SLC25A21: variants seen among roughly 807,000 people sequenced by gnomAD.
The protein encoded by SLC25A21 is solute carrier family 25 member 21, also known as mitochondrial 2-oxodicarboxylate carrier.
A neutral mutation model predicts 43.8 loss-of-function variants in SLC25A21; 47 were observed. That is an observed-to-expected ratio of 1.07 (90% CI 0.85 to 1.37). SLC25A21 has a LOEUF of 1.37. SLC25A21 is among the 40% of genes most tolerant of loss of function. SLC25A21 has a pLI of 0.00. For missense variants in SLC25A21, 352 were observed against 350.2 expected (o/e 1.00, Z -0.04); for synonymous variants, 131 against 121.3 (o/e 1.08, Z -0.52).
At position 36,729,563 on chromosome 14, in the gene SLC25A21, A is replaced by G. The variant is rs750061993; in HGVS notation, c.274T>C (p.Phe92Leu). 1.2e-5 allele frequency: 19 copies of G among 1,607,460 alleles called. No individual in the cohort carries two copies. The highest frequency in any genetic ancestry group is 1.6e-5 in the Non-Finnish European group (19 of 1,177,860). The stretch of plus-strand genomic sequence containing the variant: ...AATTTCTTGTACTGCTCAAAGGTGA[A>G]AAACTGTGAAACAAAACCAAACTCA... ...AETPKRAVKF[F>L]TFEQYKKLLG... The change falls in exon 5 of 10, where the codon TTC (phenylalanine) becomes CTC (leucine). Residue 92 changes from phenylalanine to leucine, a missense_variant. Physicochemically the swap from Phe to Leu is conservative, Grantham distance 22. Transcript: ENST00000331299.
At chr14:36,845,331 T>C (rs988924391) in intron 2 of SLC25A21, among the ~76,000 whole-genome samples, 3 of 152,186 alleles carry the variant, frequency 2.0e-5, no homozygotes, top group Non-Finnish European at 1.5e-5. Context: ...TGAAAAAAAG[T>C]ATGTTCAGAG....
At chr14:36,875,679 T>C (rs1594659441) in intron 1 of SLC25A21, among the ~76,000 whole-genome samples, 1 of 152,280 alleles carries the variant, frequency 6.6e-6, no homozygotes, top group Non-Finnish European at 1.5e-5. Context: ...ATAAGTTAAA[T>C]AACTTGTCTA....
intron 1 of SLC25A21, among the ~76,000 whole-genome samples, chr14:36,883,568 G>A (rs942903700): frequency 6.6e-6 from 1 of 152,166 alleles, no homozygotes; most frequent in African/African-American, 2.4e-5. Flanking sequence ...AACTTCAAGA[G>A]AGCAGAGACC....
intron 1 of SLC25A21, among the ~76,000 whole-genome samples, chr14:37,068,440 G>A (rs1406960023): frequency 6.6e-6 from 1 of 152,130 alleles, no homozygotes; most frequent in East Asian, 1.9e-4. Context: ...TTTTTTTGCA[G>A]TAGATTTTCA....
At chr14:36,949,709 A>C (rs1892760112) in intron 1 of SLC25A21, among the ~76,000 whole-genome samples, 1 of 152,126 alleles carries the variant, frequency 6.6e-6, no homozygotes, top group Admixed American at 6.5e-5. Context: ...TTTATATATT[A>C]ATGTCCATTT....
chr14:36,907,907 T>A (rs986936324), intron 1 of SLC25A21, among the ~76,000 whole-genome samples: 2 of 152,204 alleles, frequency 1.3e-5, no homozygotes, highest in Admixed American at 1.3e-4. Flanking sequence ...ATTTCTTCTT[T>A]ATTTAAAAAG....
chr14:37,148,416 C>A (rs1272122596), intron 1 of SLC25A21, among the ~76,000 whole-genome samples: 2 of 152,108 alleles, frequency 1.3e-5, no homozygotes, highest in African/African-American at 4.8e-5. Flanking sequence ...CATTTAGATA[C>A]ACCATAGGTC....
intron 1 of SLC25A21, among the ~76,000 whole-genome samples, chr14:37,018,132 T>G (rs1011468594): frequency 6.6e-6 from 1 of 152,056 alleles, no homozygotes; most frequent in African/African-American, 2.4e-5. Flanking sequence ...ATGGTATTTT[T>G]TAATAAGAAA....
chr14:36,750,385 T>A (rs757701731), intron 3 of SLC25A21, among the ~76,000 whole-genome samples: 8 of 152,286 alleles, frequency 5.3e-5, no homozygotes, highest in South Asian at 2.1e-4. Flanking sequence ...ACTCACCCAA[T>A]CCACGTCATC....
intron 1 of SLC25A21, among the ~76,000 whole-genome samples, chr14:37,081,318 G>T (rs1251138035): frequency 3.9e-5 from 6 of 152,238 alleles, no homozygotes; most frequent in Admixed American, 6.5e-5. Flanking sequence ...TGAGAGAGTT[G>T]TAATTGAGAA....
intron 5 of SLC25A21, among the ~76,000 whole-genome samples, chr14:36,726,755 G>T (rs1043484320): frequency 2.0e-5 from 3 of 152,116 alleles, no homozygotes; most frequent in African/African-American, 7.2e-5. Context: ...ACAGATGCTG[G>T]AAAAAAGGTA....
chr14:37,032,670 CAA>C (rs3061773), intron 1 of SLC25A21, among the ~76,000 whole-genome samples: 18 of 93,686 alleles, frequency 1.9e-4, no homozygotes, highest in Non-Finnish European at 3.3e-4. Context: ...GACTCTGTCT[CAA>C]AAAAAAAAAA....
intron 1 of SLC25A21, among the ~76,000 whole-genome samples, chr14:37,075,898 C>G (rs1022849172): frequency 1.3e-5 from 2 of 152,174 alleles, no homozygotes; most frequent in African/African-American, 4.8e-5. Flanking sequence ...ATATCCTCCA[C>G]AGGGATGCAG....
intron 6 of SLC25A21, among the ~76,000 whole-genome samples, chr14:36,715,854 G>A (rs1195746104): frequency 6.6e-6 from 1 of 152,196 alleles, no homozygotes; most frequent in Non-Finnish European, 1.5e-5. Flanking sequence ...AGCACTTTGG[G>A]AGGCCAAGGA....
chr14:36,866,854 T>C (rs899193805), intron 2 of SLC25A21, among the ~76,000 whole-genome samples: 1 of 152,222 alleles, frequency 6.6e-6, no homozygotes, highest in Non-Finnish European at 1.5e-5. Context: ...ATGGAAAATA[T>C]TCATAGTTTT....
At chr14:36,739,769 CA>C (rs1885181209) in intron 3 of SLC25A21, among the ~76,000 whole-genome samples, 1 of 152,070 alleles carries the variant, frequency 6.6e-6, no homozygotes, top group African/African-American at 2.4e-5. Context: ...ACATGCCCCT[CA>C]CCCCACTTGC....
intron 1 of SLC25A21, among the ~76,000 whole-genome samples, chr14:37,095,621 A>G (rs898263073): frequency 6.6e-6 from 1 of 152,118 alleles, no homozygotes; most frequent in Admixed American, 6.5e-5. Flanking sequence ...ATGGTGGCTC[A>G]CACTTATTAA....
intron 1 of SLC25A21, among the ~76,000 whole-genome samples, chr14:37,069,397 T>C (rs1962128052): frequency 6.6e-6 from 1 of 152,224 alleles, no homozygotes; most frequent in Admixed American, 6.5e-5. Flanking sequence ...ATGATATTTA[T>C]GTCTCTATCC....
At chr14:37,119,051 T>G (rs543075987) in intron 1 of SLC25A21, among the ~76,000 whole-genome samples, 60 of 152,164 alleles carry the variant, frequency 3.9e-4, no homozygotes, top group Non-Finnish European at 7.5e-4. Flanking sequence ...CCTCCAGTAA[T>G]CCTCACTGCT....
Sources: allele counts gnomAD v4.1 joint callset (sites outside exome capture counted in the v4.1 genomes callset), GRCh38; gene constraint gnomAD v4.1.1; transcripts MANE v1.5; gene names NCBI Gene and HGNC (gene_info 2026-07-23, HGNC 2026-07-21).